The following SPATA9 variants were observed in gnomAD, a reference collection of about 807,000 sequenced individuals.
SPATA9 encodes spermatogenesis associated 9, also known as spermatogenesis-associated protein 9.
A neutral mutation model predicts 25.5 loss-of-function variants in SPATA9; 27 were observed. The ratio of observed to expected loss-of-function variants is 1.06; its 90% CI spans 0.78 to 1.46. The LOEUF (loss-of-function observed/expected upper bound fraction) is 1.46. SPATA9 is among the 40% of genes most tolerant of loss of function. The probability of loss-of-function intolerance (pLI) is 0.00; values close to 1 mark genes in which losing one functional copy is unlikely to be tolerated. For synonymous variants in SPATA9, 102 were observed against 105.7 expected (o/e 0.97, Z 0.21); for missense variants, 282 against 297.5 (o/e 0.95, Z 0.38).
the SPATA9 span, among the ~76,000 whole-genome samples, chr5:95,723,965 A>G: frequency 6.6e-6 from 1 of 152,222 alleles, no homozygotes. Flanking sequence ...ACACAAACAG[A>G]AAATTTTTAA....
intron 2 of SPATA9, among the ~76,000 whole-genome samples, chr5:95,681,269 T>G (rs1364960920): frequency 6.6e-6 from 1 of 152,190 alleles, no homozygotes; most frequent in Non-Finnish European, 1.5e-5. Flanking sequence ...AACCCTTCTA[T>G]CCTACATGCC....
intron 3 of SPATA9, chr5:95,674,597 A>G: frequency 4.0e-6 from 1 of 252,206 alleles, no homozygotes; most frequent in South Asian, 3.8e-5. Context: ...ATGAGGGGAA[A>G]GTCAGCCTAA....
At chr5:95,656,376 A>G (rs1240383614), downstream of SPATA9, 2 of 1,344,112 alleles carry the variant, frequency 1.5e-6, no homozygotes, top group African/African-American at 2.9e-5. Context: ...ACTCTGCTTC[A>G]GTTTTAAAGG....
upstream of SPATA9, among the ~76,000 whole-genome samples, chr5:95,699,267 G>A (rs755484463): frequency 1.4e-4 from 21 of 152,098 alleles, 1 homozygote; most frequent in Admixed American, 1.2e-3. Flanking sequence ...TTGGACCGTC[G>A]GTTTTCTCAT....
intron 3 of SPATA9, among the ~76,000 whole-genome samples, chr5:95,667,892 C>T (rs192499035): frequency 1.3e-5 from 2 of 152,084 alleles, no homozygotes; most frequent in Non-Finnish European, 2.9e-5. Flanking sequence ...AGTGAATTCT[C>T]ATGATATCTA....
chr5:95,717,536 TAACTC>T, the SPATA9 span: 8 of 152,240 alleles, frequency 5.3e-5, no homozygotes, highest in Non-Finnish European at 1.2e-4. Context: ...TTACTCCAGA[TAACTC>T]AGCTAATACA....
intron 2 of SPATA9, among the ~76,000 whole-genome samples, chr5:95,676,977 TG>T (rs1752997689): frequency 1.3e-5 from 2 of 152,212 alleles, no homozygotes; most frequent in Admixed American, 6.5e-5. Flanking sequence ...TTTAGGTGTC[TG>T]GGATTTTGCA....
At chr5:95,730,996 C>A in the SPATA9 span, 1 of 619,478 alleles carries the variant, frequency 1.6e-6, no homozygotes, top group East Asian at 6.9e-5. Flanking sequence ...TTTTTCCAGT[C>A]CGGAGTGAGC....
the SPATA9 span, among the ~76,000 whole-genome samples, chr5:95,722,411 C>A: frequency 1.8e-4 from 28 of 152,152 alleles, no homozygotes; most frequent in Non-Finnish European, 3.5e-4. Flanking sequence ...TGCATAACTG[C>A]ATAATACACA....
chr5:95,688,762 G>A (rs1753810551), intron 1 of SPATA9, among the ~76,000 whole-genome samples: 1 of 151,826 alleles, frequency 6.6e-6, no homozygotes, highest in South Asian at 2.1e-4. Flanking sequence ...TTACCTAATG[G>A]GTACAATGTA....
At chr5:95,708,635 C>T in the SPATA9 span, 1 of 696,728 alleles carries the variant, frequency 1.4e-6, no homozygotes, top group Non-Finnish European at 2.6e-6. Context: ...TTTTCTGTAC[C>T]TTTGGAGCTT....
chr5:95,711,792 C>G, the SPATA9 span, among the ~76,000 whole-genome samples: 2 of 152,214 alleles, frequency 1.3e-5, no homozygotes, highest in Admixed American at 1.3e-4. Flanking sequence ...GGCGCATGAA[C>G]GGAGCCATGG....
intron 3 of SPATA9, chr5:95,670,971 T>A (rs1314521554): frequency 1.2e-6 from 1 of 868,520 alleles, no homozygotes; most frequent in Non-Finnish European, 1.4e-6. Flanking sequence ...TACTGTATAC[T>A]CCCCACGTAA....
chr5:95,714,081 A>C, the SPATA9 span, among the ~76,000 whole-genome samples: 1 of 151,782 alleles, frequency 6.6e-6, no homozygotes, highest in Non-Finnish European at 1.5e-5. Flanking sequence ...TTTTTCTTTT[A>C]TATTTGCCTT....
the SPATA9 span, among the ~76,000 whole-genome samples, chr5:95,704,715 A>T: frequency 6.6e-6 from 1 of 152,144 alleles, no homozygotes; most frequent in African/African-American, 2.4e-5. Flanking sequence ...GTAATTTATA[A>T]AGAACAGAAA....
At chr5:95,682,442 C>A in intron 2 of SPATA9, 86 bp downstream of exon 2, 1 of 982,208 alleles carries the variant, frequency 1.0e-6, no homozygotes, top group South Asian at 1.9e-5. Context: ...TCACTGATCT[C>A]AAAATCAAGC....
At chr5:95,728,465 T>C in the SPATA9 span, among the ~76,000 whole-genome samples, 1 of 152,222 alleles carries the variant, frequency 6.6e-6, no homozygotes, top group African/African-American at 2.4e-5. Flanking sequence ...ATGTTTACTT[T>C]CTTTATGAAC....
the SPATA9 span, among the ~76,000 whole-genome samples, chr5:95,710,864 C>T: frequency 2.6e-5 from 4 of 152,086 alleles, no homozygotes; most frequent in Non-Finnish European, 4.4e-5. Context: ...TGTCAAAAAC[C>T]TTTTGGGCTA....
Position 95,675,576 on chromosome 5 carries a change from G to T in SPATA9, c.214C>A (p.Arg72=), listed in dbSNP as rs114848300. The T allele has an allele frequency of 6.1e-5, 98 of 1,613,942 alleles. No individual in the cohort carries two copies. The highest frequency in any genetic ancestry group is 8.0e-5 in the Non-Finnish European group (94 of 1,180,000). The change falls in exon 3 of 5, where the codon CGA becomes AGA. Residue 72 remains arginine (R), a synonymous_variant. Coordinates refer to ENST00000274432, the MANE Select transcript of SPATA9 (RefSeq NM_031952.4). The part of the protein sequence containing the change: ...RMAIALAKIN[R]ATLIRGLNSI... ...TTTAATCCACGAATTAATGTTGCTC[G>T]ATTAATCTTAGCTAAAGCAATAGCC...
Sources: allele counts gnomAD v4.1 joint callset (sites outside exome capture counted in the v4.1 genomes callset), GRCh38; gene constraint gnomAD v4.1.1; transcripts MANE v1.5; gene names NCBI Gene and HGNC (gene_info 2026-07-23, HGNC 2026-07-21).